The following ME3 variants were observed in gnomAD, a reference collection of about 807,000 sequenced individuals.
ME3 encodes malic enzyme 3, also known as NADP-dependent malic enzyme, mitochondrial.
In ME3, 48 loss-of-function variants were observed where a neutral mutation model predicts 68.9. That is an observed-to-expected ratio of 0.70 (90% CI 0.55 to 0.89). The LOEUF is 0.89. Ranked by LOEUF, ME3 falls within the 40% of genes least tolerant of loss-of-function variation. ME3 has a pLI of 0.00. For synonymous variants in ME3, 320 were observed against 318.8 expected, an observed-to-expected ratio of 1.00 and a Z score of -0.04; for missense variants, 675 against 797.4, an observed-to-expected ratio of 0.85 and a Z score of 1.85.
At chr11:86,442,902 G>T in exon 14 of ME3, 1 of 1,612,304 alleles carries the variant, frequency 6.2e-7, no homozygotes, top group Admixed American at 1.7e-5. Context: ...GCTGCTCAGA[G>T]ACTTCCTGGG....
intron 2 of ME3, among the ~76,000 whole-genome samples, chr11:86,620,151 A>C (rs774186863): frequency 1.3e-5 from 2 of 152,254 alleles, no homozygotes; most frequent in African/African-American, 4.8e-5. Flanking sequence ...CACGTACTAG[A>C]TGTTCAAAAA....
chr11:86,452,233 C>T (rs927119816), intron 8 of ME3, among the ~76,000 whole-genome samples: 4 of 152,142 alleles, frequency 2.6e-5, no homozygotes, highest in Non-Finnish European at 5.9e-5. Flanking sequence ...GGATTTACAA[C>T]ATGGTTCTAT....
chr11:86,557,410 A>G (rs865960367), intron 3 of ME3, among the ~76,000 whole-genome samples: 2 of 152,196 alleles, frequency 1.3e-5, no homozygotes, highest in Admixed American at 1.3e-4. Flanking sequence ...TAATATCACA[A>G]CCTTTCTGGA....
intron 4 of ME3, among the ~76,000 whole-genome samples, chr11:86,539,749 T>C (rs1230873103): frequency 6.6e-6 from 1 of 152,178 alleles, no homozygotes; most frequent in Admixed American, 6.5e-5. Context: ...CCACCCACAT[T>C]ATTCTTTGTC....
At chr11:86,607,854 G>A (rs915485117) in intron 2 of ME3, among the ~76,000 whole-genome samples, 1 of 151,938 alleles carries the variant, frequency 6.6e-6, no homozygotes, top group Non-Finnish European at 1.5e-5. Flanking sequence ...TAGACCTTCA[G>A]ATATTGGGGG....
chr11:86,559,953 C>CCTCA, intron 2 of ME3, 130 bp from the exon 3 acceptor site: 1 of 930,996 alleles, frequency 1.1e-6, no homozygotes, highest in Non-Finnish European at 1.5e-6. Context: ...ACTCAAATTC[C>CCTCA]ACCTCTGCTA....
exon 14 of ME3, chr11:86,442,878 C>A (rs778282893): frequency 6.2e-7 from 1 of 1,613,406 alleles, no homozygotes; most frequent in Admixed American, 1.7e-5. Flanking sequence ...GGTAGAGTCT[C>A]CCCTGGGACA....
intron 7 of ME3, among the ~76,000 whole-genome samples, chr11:86,472,499 C>T (rs931390513): frequency 6.6e-6 from 1 of 152,022 alleles, no homozygotes; most frequent in Non-Finnish European, 1.5e-5. Context: ...GACATGTAGG[C>T]AGAGAAGAAG....
chr11:86,471,186 CTG>C (rs147902948), intron 7 of ME3, among the ~76,000 whole-genome samples: 9,928 of 113,318 alleles, frequency 0.088, 431 homozygotes, highest in Middle Eastern at 0.15. Context: ...GAGTCTTGCT[CTG>C]TTACCAGGCT....
intron 2 of ME3, among the ~76,000 whole-genome samples, chr11:86,657,632 T>C (rs905792602): frequency 6.6e-6 from 1 of 152,170 alleles, no homozygotes; most frequent in Non-Finnish European, 1.5e-5. Flanking sequence ...AAAAAAAAGA[T>C]AATGCAGCCC....
rs770032541 is a variant in ME3, at chr11:86,447,163, C to T, written c.1282G>A (p.Asp428Asn). 7.4e-6 allele frequency: 12 copies of T among 1,614,078 alleles called. No individual in the cohort carries two copies. In the Admixed American group the frequency reaches 2.0e-4, roughly 27 times the overall value. Residue 428 changes from aspartate to asparagine, a missense_variant, in exon 12 of 15, where the codon GAC becomes AAC. Physicochemically the swap from Asp to Asn is conservative, Grantham distance 23 (BLOSUM62 1). Coordinates refer to ENST00000543262, the Ensembl canonical transcript of ME3. ...GGGCGCTCGTGGAAGGAGGCCATGT[C>T]CCTCAGAATCTGCTCCGTGAAGGCT...
At chr11:86,576,045 A>G (rs1180068240) in intron 2 of ME3, among the ~76,000 whole-genome samples, 1 of 152,232 alleles carries the variant, frequency 6.6e-6, no homozygotes, top group African/African-American at 2.4e-5. Context: ...TCATCGACAA[A>G]GCTGGAATAA....
intron 2 of ME3, among the ~76,000 whole-genome samples, chr11:86,589,032 A>G (rs765082345): frequency 6.6e-6 from 1 of 152,174 alleles, no homozygotes; most frequent in Non-Finnish European, 1.5e-5. Flanking sequence ...GAAGGCCCTT[A>G]ATAGAAAAGC....
chr11:86,439,982 G>T (rs932047307), downstream of ME3, among the ~76,000 whole-genome samples: 1 of 152,092 alleles, frequency 6.6e-6, no homozygotes, highest in Non-Finnish European at 1.5e-5. Flanking sequence ...GATATTCTTG[G>T]CTGAGCACCA....
intron 5 of ME3, 117 bp downstream of exon 5, chr11:86,508,675 A>AG: frequency 3.4e-6 from 3 of 885,364 alleles, no homozygotes; most frequent in Non-Finnish European, 5.5e-6. Context: ...TAGGAATGGG[A>AG]GGTAGTATGC....
At chr11:86,456,991 C>T (rs1949976733) in intron 8 of ME3, among the ~76,000 whole-genome samples, 1 of 152,174 alleles carries the variant, frequency 6.6e-6, no homozygotes. Flanking sequence ...CCTTTCACCA[C>T]CAAGTCTTCA....
intron 12 of ME3, 56 bp from the exon 13 acceptor site, chr11:86,446,543 A>C (rs747538292): frequency 1.3e-6 from 2 of 1,548,686 alleles, no homozygotes; most frequent in African/African-American, 2.7e-5. Context: ...GGGTAATAAT[A>C]GTGGCCTATT....
intron 4 of ME3, among the ~76,000 whole-genome samples, chr11:86,530,777 G>A (rs1314961444): frequency 1.3e-5 from 2 of 152,264 alleles, no homozygotes; most frequent in East Asian, 3.9e-4. Context: ...AAATGGTGCT[G>A]GGAAAACTGG....
intron 2 of ME3, chr11:86,622,975 T>C (rs1301735744): frequency 6.6e-6 from 1 of 150,590 alleles, no homozygotes; most frequent in Non-Finnish European, 1.5e-5. Context: ...ATCACTTCTG[T>C]GTCTCAGTTA....
Sources: gnomAD v4.1 joint callset for allele counts (sites outside exome capture counted in the v4.1 genomes callset) on GRCh38, gnomAD v4.1.1 for gene constraint, MANE v1.5 for transcripts, NCBI Gene and HGNC (gene_info 2026-07-23, HGNC 2026-07-21) for gene names.